The following GCKR variants were observed in gnomAD, a reference collection of about 807,000 sequenced individuals.
GCKR encodes glucokinase regulator, also known as glucokinase regulatory protein.
In GCKR, 73 loss-of-function variants were observed where a neutral mutation model predicts 82.9. The ratio of observed to expected loss-of-function variants is 0.88; its 90% CI spans 0.73 to 1.07. GCKR has a LOEUF of 1.07. GCKR is among the 50% of genes least tolerant of loss of function. The pLI, the probability that GCKR is intolerant of heterozygous loss-of-function variation, is 0.00. For synonymous variants in GCKR, 294 were observed against 291.8 expected, an observed-to-expected ratio of 1.01 and a Z score of -0.08; for missense variants, 784 against 782.1, an observed-to-expected ratio of 1.00 and a Z score of -0.03.
intron 8 of GCKR, chr2:27,501,803 T>A (rs768980679): frequency 2.1e-6 from 1 of 471,046 alleles, no homozygotes; most frequent in South Asian, 1.6e-5. Flanking sequence ...GTCACTCTTA[T>A]TTCAGAATAA....
intron 16 of GCKR, among the ~76,000 whole-genome samples, chr2:27,513,312 C>CTTGAGGCCAGCAGT (rs1669932890): frequency 6.6e-6 from 1 of 152,142 alleles, no homozygotes; most frequent in African/African-American, 2.4e-5. Flanking sequence ...AGGTGGATCA[C>CTTGAGGCCAGCAGT]TTGAGGCCAG....
chr2:27,498,927 C>T (rs1365703147), intron 5 of GCKR, 130 bp downstream of exon 5: 5 of 740,692 alleles, frequency 6.8e-6, no homozygotes, highest in Admixed American at 2.0e-5. Flanking sequence ...TTCCCTCACA[C>T]TTGGCCCACT....
At chr2:27,522,676 T>C in intron 18 of GCKR, 82 bp downstream of exon 18, 2 of 1,215,272 alleles carry the variant, frequency 1.6e-6, no homozygotes, top group South Asian at 2.4e-5. Flanking sequence ...GCACTGGGTT[T>C]ACAAAGCTCA....
intron 16 of GCKR, among the ~76,000 whole-genome samples, chr2:27,511,939 A>G (rs1371429474): frequency 6.6e-6 from 1 of 151,834 alleles, no homozygotes; most frequent in African/African-American, 2.4e-5. Context: ...TTTCCCCTGA[A>G]TTATATGAAA....
chr2:27,500,006 C>T (rs967523180), intron 7 of GCKR, among the ~76,000 whole-genome samples: 1 of 152,092 alleles, frequency 6.6e-6, no homozygotes, highest in African/African-American at 2.4e-5. Context: ...GCTCCACCTG[C>T]CTCGCTCAGC....
chr2:27,520,160 C>T (rs2148593293), intron 17 of GCKR, among the ~76,000 whole-genome samples: 1 of 151,964 alleles, frequency 6.6e-6, no homozygotes, highest in Middle Eastern at 3.4e-3. Flanking sequence ...AATCTGGCAA[C>T]CCTATGTGAA....
intron 17 of GCKR, among the ~76,000 whole-genome samples, chr2:27,521,132 A>T (rs1386195753): frequency 6.6e-6 from 1 of 152,222 alleles, no homozygotes. Flanking sequence ...TTCAAAATAC[A>T]AAATCCGAAT....
intron 2 of GCKR, 24 bp downstream of exon 2, chr2:27,497,423 C>T: frequency 6.2e-7 from 1 of 1,613,540 alleles, no homozygotes; most frequent in Non-Finnish European, 8.5e-7. Context: ...AAGACCTGGA[C>T]CCTGGAAATA....
chr2:27,522,899 T>A, intron 18 of GCKR, among the ~76,000 whole-genome samples: 1 of 29,696 alleles, frequency 3.4e-5, no homozygotes, highest in Admixed American at 3.2e-4. Flanking sequence ...AGGGTTCTGT[T>A]TTTTTTTTTT....
chr2:27,517,410 G>T (rs574611072), intron 16 of GCKR, among the ~76,000 whole-genome samples: 13 of 152,246 alleles, frequency 8.5e-5, no homozygotes, highest in Non-Finnish European at 1.6e-4. Context: ...GGGAAGTAAG[G>T]CATCTTCTTC....
In GCKR at chr2:27,499,418, GT is replaced by G. The variant is rs1191509030; in HGVS notation, c.518del (p.Val173GlyfsTer23). The G allele has an allele frequency of 6.2e-7, 1 of 1,612,900 alleles. No homozygotes were observed. On this transcript the variant is annotated frameshift_variant, in exon 7 of 19. Transcript: ENST00000264717. LOFTEE classifies it high-confidence loss of function. ...CTAGGTGGCTGCCGGGAAGAAGAGA[GT>G]GATTGTCATTGGCATTTCTGTGGGA... Reference protein sequence around the residue: ...LKKVAAGKKRVIVIGISVGLS... With the variant: ...LKKVAAGKKRXIVIGISVGLS...
At chr2:27,512,397 T>C (rs766148594) in intron 16 of GCKR, among the ~76,000 whole-genome samples, 17 of 151,694 alleles carry the variant, frequency 1.1e-4, no homozygotes, top group Non-Finnish European at 1.9e-4. Flanking sequence ...TAGCCGGGCA[T>C]GGTGGCACAT....
Position 27,506,462 on chromosome 2 carries a change from CT to C in GCKR, c.870-18del, listed in dbSNP as rs1463406009. On this transcript the variant is annotated intron_variant, in intron 10 of 18. Transcript: ENST00000264717. ...GGGGGAATTGGGCCCTTCTTGAGAGCTGGTGGCTTTTCTCCCAGATGCCTCC... is the reference window on the plus strand; with the variant it reads ...GGGGGAATTGGGCCCTTCTTGAGAGCGGTGGCTTTTCTCCCAGATGCCTCC... 3.2e-6 allele frequency: 5 copies of C among 1,562,154 alleles called. No individual in the cohort carries two copies. The highest frequency in any genetic ancestry group is 4.4e-6 in the Non-Finnish European group (5 of 1,132,576).
At position 27,519,077 on chromosome 2, in the gene GCKR, G is replaced by T. The variant is rs1003654953; in HGVS notation, c.1572+140G>T. ...TGTGCTTCTGCTCCTCCTATTAGGTGCATCTTCCCCTTAAGGAGTGTGTGT... is the reference window on the plus strand; with the variant it reads ...TGTGCTTCTGCTCCTCCTATTAGGTTCATCTTCCCCTTAAGGAGTGTGTGT... On this transcript the variant is annotated intron_variant, in intron 17 of 18. Coordinates refer to ENST00000264717, the MANE Select transcript of GCKR (RefSeq NM_001486.4). 4 of 715,012 alleles carry T rather than the reference G, an allele frequency of 5.6e-6. No homozygotes were observed. In the Admixed American group the frequency reaches 8.8e-5, roughly 16 times the overall value. The allele number at this position is 715,012 out of a possible 1,614,324, so 44.3% of individuals were successfully genotyped here.
chr2:27,500,824 A>G (rs1669556062), intron 7 of GCKR, among the ~76,000 whole-genome samples: 1 of 152,238 alleles, frequency 6.6e-6, no homozygotes, highest in African/African-American at 2.4e-5. Flanking sequence ...AGATCCCACC[A>G]GTGTTATATA....
chr2:27,522,061 A>G (rs1670164893), intron 17 of GCKR, among the ~76,000 whole-genome samples: 1 of 152,170 alleles, frequency 6.6e-6, no homozygotes, highest in Admixed American at 6.5e-5. Context: ...TGAGCTAGAC[A>G]GAGAGGAGGG....
At position 27,507,659 on chromosome 2, in the gene GCKR, C is replaced by T. The variant is rs752654691; in HGVS notation, c.1144-22C>T. ...TTAGAGTGTTTTCATGGGAGGGACCCTCCCATCTTCTTCTGCCCCAGGGTC... is the reference window on the plus strand; with the variant it reads ...TTAGAGTGTTTTCATGGGAGGGACCTTCCCATCTTCTTCTGCCCCAGGGTC... On this transcript the variant is annotated intron_variant, in intron 13 of 18. Transcript: ENST00000264717. 1.3e-5 allele frequency: 17 copies of T among 1,330,776 alleles called. No homozygotes were observed. The South Asian group carries it at 1.5e-4, about 12-fold the overall frequency. The allele number at this position is 1,330,776 out of a possible 1,614,324, so 82.4% of individuals were successfully genotyped here.
chr2:27,500,016 C>T (rs928850294), intron 7 of GCKR, among the ~76,000 whole-genome samples: 14 of 152,060 alleles, frequency 9.2e-5, no homozygotes, highest in African/African-American at 3.4e-4. Context: ...CCTCGCTCAG[C>T]CTCTCAAAGT....
chr2:27,506,532 C>G lies in GCKR; in HGVS notation c.921C>G (p.Tyr307Ter). The G allele has an allele frequency of 6.2e-7, 1 of 1,613,954 alleles. No individual in the cohort carries two copies. The highest frequency in any genetic ancestry group is 1.3e-5 in the African/African-American group (1 of 75,042). The stretch of plus-strand genomic sequence containing the variant: ...TTGAGCGAGCTCATCAGGTGACCTA[C>G]AGCCAAAGCCCCAAGATTGCCACCC... ...RTFERAHQVT[Y>*]SQSPKIATLM... Residue 307 changes from tyrosine (Y) to a stop codon, truncating the protein, a stop_gained, in exon 11 of 19, where the codon TAC (tyrosine) becomes TAG (stop). Transcript: ENST00000264717. LOFTEE classifies it high-confidence loss of function.
Sources: allele counts gnomAD v4.1 joint callset (sites outside exome capture counted in the v4.1 genomes callset), GRCh38; gene constraint gnomAD v4.1.1; transcripts MANE v1.5; gene names NCBI Gene and HGNC (gene_info 2026-07-23, HGNC 2026-07-21).